The following GAREM1 variants were observed in gnomAD, a reference collection of about 807,000 sequenced individuals.
GAREM1 encodes the protein GRB2-associated and regulator of MAPK protein 1.
A neutral mutation model predicts 71.3 loss-of-function variants in GAREM1; 26 were observed. The observed-to-expected ratio is 0.36, with a 90% confidence interval of 0.27 to 0.51. The LOEUF (loss-of-function observed/expected upper bound fraction) is 0.51, where lower values mean the gene tolerates loss of function less well. Among genes scored for constraint, GAREM1 ranks in the 20% least tolerant of loss-of-function variants. The pLI is 0.95. For synonymous variants in GAREM1, 440 were observed against 433.2 expected (o/e 1.02, Z -0.20); for missense variants, 1,026 against 1,103.1 (o/e 0.93, Z 0.99).
At chr18:32,419,360 G>A (rs967467494) in intron 1 of GAREM1, among the ~76,000 whole-genome samples, 3 of 152,262 alleles carry the variant, frequency 2.0e-5, no homozygotes, top group African/African-American at 7.2e-5. Flanking sequence ...CTGACTTCCA[G>A]GGTGATGGTA....
intron 1 of GAREM1, among the ~76,000 whole-genome samples, chr18:32,399,799 C>G (rs942291503): frequency 3.6e-4 from 55 of 152,166 alleles, no homozygotes; most frequent in African/African-American, 1.3e-3. Flanking sequence ...CAATGACTTT[C>G]TTCACAGAAT....
chr18:32,415,950 A>G (rs1568002892), intron 1 of GAREM1, among the ~76,000 whole-genome samples: 3 of 152,140 alleles, frequency 2.0e-5, no homozygotes, highest in Admixed American at 6.6e-5. Context: ...TGCAGATGAT[A>G]TATGATTTTA....
At chr18:32,345,044 A>G (rs143075020) in intron 2 of GAREM1, among the ~76,000 whole-genome samples, 7,682 of 152,302 alleles carry the variant, frequency 0.05, 302 homozygotes, top group East Asian at 0.12. Flanking sequence ...CCTGGGCGAA[A>G]GAGCAAGACT....
chr18:32,336,020 G>A (rs2047588884), intron 2 of GAREM1, among the ~76,000 whole-genome samples: 1 of 152,170 alleles, frequency 6.6e-6, no homozygotes, highest in South Asian at 2.1e-4. Context: ...GCTAGTTTGT[G>A]TCCAGCTCTA....
At chr18:32,293,356 C>T (rs2047106725) in intron 3 of GAREM1, among the ~76,000 whole-genome samples, 1 of 152,024 alleles carries the variant, frequency 6.6e-6, no homozygotes, top group Non-Finnish European at 1.5e-5. Context: ...ATGATGGGAA[C>T]ATGCCAAAAA....
intron 2 of GAREM1, among the ~76,000 whole-genome samples, chr18:32,351,533 T>G (rs1035067061): frequency 6.6e-6 from 1 of 152,188 alleles, no homozygotes; most frequent in African/African-American, 2.4e-5. Context: ...TTCAGCTAAG[T>G]TCCTGAGGAC....
chr18:32,267,999 TA>T lies in GAREM1; in HGVS notation c.2502del (p.Thr835LeufsTer12). 1.2e-6 allele frequency: 2 copies of T among 1,613,788 alleles called. No homozygotes were observed. The highest frequency in any genetic ancestry group is 1.7e-6 in the Non-Finnish European group (2 of 1,179,722). On this transcript the variant is annotated frameshift_variant, in exon 6 of 6. Coordinates refer to ENST00000269209, the MANE Select transcript of GAREM1 (RefSeq NM_001242409.2). LOFTEE classifies it high-confidence loss of function. ...AGCAGGTTCCCATCAATCTTTTCAG[TA>T]ACAAAGAATGATATGACATCTTCGG... ...GLSEDVISFFVTEKIDGNLLV... is the reference protein window; with the variant it reads ...GLSEDVISFFXTEKIDGNLLV...
At chr18:32,379,322 C>T (rs897874702) in intron 2 of GAREM1, among the ~76,000 whole-genome samples, 12 of 152,022 alleles carry the variant, frequency 7.9e-5, no homozygotes, top group African/African-American at 2.7e-4. Context: ...AATAGATCCA[C>T]GGACCTGCAG....
rs1436621075 is a variant in GAREM1, at chr18:32,265,792, G to C, written c.*2079C>G. 6.6e-6 allele frequency: 1 copy of C among 152,202 alleles called. No individual in the cohort carries two copies. Among genetic ancestry groups the C allele is most frequent in the Admixed American group, 6.5e-5 (1 of 15,278 alleles). 9.4% of individuals were successfully genotyped at this position (152,202 alleles called of 1,614,324 possible). A position where few individuals can be genotyped will look rare whatever the true frequency, so the allele number is the denominator to read the frequency against. On this transcript the variant is annotated 3_prime_UTR_variant, in exon 6 of 6. Coordinates refer to ENST00000269209, the MANE Select transcript of GAREM1 (RefSeq NM_001242409.2). ...AACCCTGTTCCTTCTTCCTGAGTTT[G>C]AGAATTGTGTCCGAGTGCTAAGTAT...
chr18:32,286,337 T>C (rs942674867), intron 4 of GAREM1, among the ~76,000 whole-genome samples: 5 of 150,194 alleles, frequency 3.3e-5, no homozygotes, highest in African/African-American at 1.3e-4. Flanking sequence ...TGTGTGTGTG[T>C]GTGTGTGTGT....
At chr18:32,450,001 T>C (rs1344268206) in intron 1 of GAREM1, among the ~76,000 whole-genome samples, 1 of 152,108 alleles carries the variant, frequency 6.6e-6, no homozygotes. Context: ...GCAAGCCTCC[T>C]TATGTAAGAA....
intron 2 of GAREM1, among the ~76,000 whole-genome samples, chr18:32,319,943 G>C (rs545617826): frequency 6.6e-6 from 1 of 152,234 alleles, no homozygotes; most frequent in South Asian, 2.1e-4. Context: ...CCAATCTTTT[G>C]CAGCCCCAGT....
intron 2 of GAREM1, among the ~76,000 whole-genome samples, chr18:32,386,248 A>G (rs2048146289): frequency 6.6e-6 from 1 of 152,222 alleles, no homozygotes; most frequent in Non-Finnish European, 1.5e-5. Context: ...GAATAAAATT[A>G]GCTTGTTTCA....
intron 1 of GAREM1, among the ~76,000 whole-genome samples, chr18:32,419,122 T>C (rs2048495766): frequency 6.6e-6 from 1 of 152,190 alleles, no homozygotes; most frequent in Admixed American, 6.5e-5. Context: ...TTGATTCCTA[T>C]TCTCAGGTCC....
chr18:32,427,827 G>T (rs192081654), intron 1 of GAREM1, among the ~76,000 whole-genome samples: 1 of 151,874 alleles, frequency 6.6e-6, no homozygotes, highest in South Asian at 2.1e-4. Flanking sequence ...TCATTTGTGG[G>T]TATATTAAAG....
intron 1 of GAREM1, among the ~76,000 whole-genome samples, chr18:32,469,677 T>C (rs2049031025): frequency 6.6e-6 from 1 of 151,578 alleles, no homozygotes. Flanking sequence ...TGGAGACTTA[T>C]TTTTTTTTCC....
chr18:32,317,427 A>G (rs1484465555), intron 2 of GAREM1, among the ~76,000 whole-genome samples: 2 of 151,730 alleles, frequency 1.3e-5, no homozygotes, highest in African/African-American at 4.8e-5. Flanking sequence ...AGCAAAGAAA[A>G]GAAAGTGACT....
rs1282886376 is a variant in GAREM1 at position 32,268,141 on chromosome 18, G to A, written c.2361C>T (p.Leu787=). ...AGGATCTGGGGGCCAGCTGGAGATG[G>A]AGCGGAGATGAGAAAGGGTAGGAGG... ...FSASYPFSSP[L]HLQLAPRSCG... The change falls in exon 6 of 6, where the codon CTC becomes CTT. Residue 787 remains leucine (L), a synonymous_variant. Coordinates refer to ENST00000269209, the MANE Select transcript of GAREM1 (RefSeq NM_001242409.2). 11 of 1,614,052 alleles carry A rather than the reference G, an allele frequency of 6.8e-6. No individual in the cohort carries two copies. The highest frequency in any genetic ancestry group is 2.7e-5 in the African/African-American group (2 of 74,928).
chr18:32,449,595 G>A (rs1045921750), intron 1 of GAREM1, among the ~76,000 whole-genome samples: 3 of 152,170 alleles, frequency 2.0e-5, no homozygotes, highest in Admixed American at 1.3e-4. Flanking sequence ...GAGGTGGGTG[G>A]CTGAGGTTGC....
Sources: allele counts gnomAD v4.1 joint callset (sites outside exome capture counted in the v4.1 genomes callset), GRCh38; gene constraint gnomAD v4.1.1; transcripts MANE v1.5; gene names NCBI Gene and HGNC (gene_info 2026-07-23, HGNC 2026-07-21).